Variants in CUZD1 observed in about 807,000 individuals in gnomAD.
The protein encoded by CUZD1 is CUB and zona pellucida-like domain-containing protein 1.
CUZD1 carries 42 observed loss-of-function variants against 53.1 expected under a neutral mutation model. The observed-to-expected ratio is 0.79, with a 90% CI of 0.62 to 1.02. The LOEUF (loss-of-function observed/expected upper bound fraction) is 1.02, where lower values mean the gene tolerates loss of function less well. Among genes scored for constraint, CUZD1 ranks in the 50% least tolerant of loss-of-function variants. CUZD1 has a pLI of 0.00. For synonymous variants in CUZD1, 238 were observed against 257.2 expected, an observed-to-expected ratio of 0.93 and a Z score of 0.71; for missense variants, 670 against 715.7, an observed-to-expected ratio of 0.94 and a Z score of 0.73.
At position 122,839,319 on chromosome 10, in the gene CUZD1, T is replaced by A. The variant is rs539704104; in HGVS notation, c.234-88A>T. 1.1e-4 allele frequency: 124 copies of A among 1,139,820 alleles called. 1 individual carries two copies. In the South Asian group the frequency reaches 1.7e-3, roughly 15 times the overall value. 70.6% of individuals were successfully genotyped at this position (1,139,820 alleles called of 1,614,324 possible). A position where few individuals can be genotyped will look rare whatever the true frequency, so the allele number is the denominator to read the frequency against. ...TCAATTGCTCACCTAGGCATGTAAA[T>A]TTACAAAGTGGTGGCACATCTGTTT... On this transcript the variant is annotated intron_variant, in intron 2 of 8. Transcript: ENST00000392790.
At chr10:122,843,383 TAC>T (rs1232036846) in intron 1 of CUZD1, among the ~76,000 whole-genome samples, 2 of 152,180 alleles carry the variant, frequency 1.3e-5, no homozygotes, top group Non-Finnish European at 2.9e-5. Context: ...GCATGTGACC[TAC>T]ACACATCCTG....
chr10:122,837,105 C>G, intron 4 of CUZD1, 57 bp from the exon 5 acceptor site: 2 of 1,273,006 alleles, frequency 1.6e-6, no homozygotes, highest in South Asian at 2.7e-5. Flanking sequence ...ATTCTATTTT[C>G]TAACATCCCA....
chr10:122,832,678 G>A (rs763001836), intron 8 of CUZD1, among the ~76,000 whole-genome samples: 3 of 151,186 alleles, frequency 2.0e-5, no homozygotes, highest in Non-Finnish European at 4.4e-5. Context: ...TTGATTTCTC[G>A]GTATCACATG....
chr10:122,840,089 T>C (rs984591598), intron 2 of CUZD1, among the ~76,000 whole-genome samples: 4 of 152,218 alleles, frequency 2.6e-5, no homozygotes, highest in African/African-American at 9.7e-5. Flanking sequence ...CCACAATTTC[T>C]CTTCCCCTCT....
At chr10:122,839,854 T>C (rs1408399597) in intron 2 of CUZD1, among the ~76,000 whole-genome samples, 1 of 152,228 alleles carries the variant, frequency 6.6e-6, no homozygotes, top group Non-Finnish European at 1.5e-5. Context: ...TAGAGAAATC[T>C]GGGTTCTCTT....
At chr10:122,838,256 A>G (rs1847283472) in intron 3 of CUZD1, among the ~76,000 whole-genome samples, 1 of 152,192 alleles carries the variant, frequency 6.6e-6, no homozygotes, top group South Asian at 2.1e-4. Context: ...CAGCGTGGGA[A>G]AACCTTGACT....
Position 122,836,349 on chromosome 10 carries a change from T to C in CUZD1, c.819A>G (p.Thr273=). ...TCCTGTCAGAAGAGCAAGTTAAAGA[T>C]GCTGTCAGGAAAAAAAAAAAAAAAA... ...TSIYAENINT[T]SLTCSSDRMR... The change falls in exon 6 of 9, where the codon ACA becomes ACG. Residue 273 remains threonine (T), a splice_region_variant and synonymous_variant. Coordinates refer to ENST00000392790, the MANE Select transcript of CUZD1 (RefSeq NM_022034.6). The C allele has an allele frequency of 6.9e-7, 1 of 1,445,934 alleles. No individual in the cohort carries two copies. Among genetic ancestry groups the C allele is most frequent in the Admixed American group, 3.1e-5 (1 of 32,656 alleles). 89.6% of individuals were successfully genotyped at this position (1,445,934 alleles called of 1,614,324 possible). A position where few individuals can be genotyped will look rare whatever the true frequency, so the allele number is the denominator to read the frequency against.
At chr10:122,840,931 A>G (rs1847331351) in intron 2 of CUZD1, among the ~76,000 whole-genome samples, 1 of 152,148 alleles carries the variant, frequency 6.6e-6, no homozygotes, top group Non-Finnish European at 1.5e-5. Flanking sequence ...ACAAGTTCTC[A>G]ACCTTGTTGT....
intron 6 of CUZD1, 97 bp from the exon 7 acceptor site, chr10:122,835,194 C>G (rs1847229952): frequency 1.1e-6 from 1 of 940,364 alleles, no homozygotes; most frequent in Non-Finnish European, 1.5e-6. Flanking sequence ...ACATAATTTT[C>G]TTAAATCACG....
chr10:122,844,318 G>A (rs1191077715), intron 1 of CUZD1, among the ~76,000 whole-genome samples: 1 of 152,106 alleles, frequency 6.6e-6, no homozygotes, highest in African/African-American at 2.4e-5. Context: ...TTGTAGGCTT[G>A]AGCCATCATG....
At chr10:122,843,806 C>CATATATATATATAT (rs1376406613) in intron 1 of CUZD1, among the ~76,000 whole-genome samples, 2 of 127,956 alleles carry the variant, frequency 1.6e-5, no homozygotes, top group African/African-American at 7.0e-5. Flanking sequence ...CATATATATA[C>CATATATATATATAT]ATACATATAT....
rs76378115 is a variant in CUZD1, at chr10:122,836,803, A to G, written c.817+28T>C. Reference sequence around the variant, plus strand: ...ATATGCAATCTTCGAAGAGCTCAAAATAGCTAAGAATATAAAACATGACTT... The same window carrying G: ...ATATGCAATCTTCGAAGAGCTCAAAGTAGCTAAGAATATAAAACATGACTT... On this transcript the variant is annotated intron_variant, in intron 5 of 8. Transcript: ENST00000392790. The G allele has an allele frequency of 9.0e-4, 1,410 of 1,560,378 alleles. 17 individuals are homozygous for G. The African/African-American group carries it at 0.018, about 19-fold the overall frequency.
intron 8 of CUZD1, 135 bp downstream of exon 8, chr10:122,833,537 T>C (rs1217171347): frequency 2.3e-6 from 2 of 873,010 alleles, no homozygotes; most frequent in Non-Finnish European, 3.5e-6. Context: ...TAATCCTATA[T>C]ACTTAAAATT....
Position 122,837,408 on chromosome 10 carries a change from T to C in CUZD1, c.595A>G (p.Ile199Val), listed in dbSNP as rs749178260. The change falls in exon 4 of 9, where the codon ATT becomes GTT. Residue 199 changes from isoleucine (I) to valine (V), a missense_variant. By Grantham distance (29) the Ile-to-Val change is conservative (BLOSUM62 3). Coordinates refer to ENST00000392790, the MANE Select transcript of CUZD1 (RefSeq NM_022034.6). ...DYKIKLNFKEIFLEIDKQCKF... is the reference protein window; with the variant it reads ...DYKIKLNFKEVFLEIDKQCKF... ...GAATTGGGCAGCAGTACTTACAAAATCTCTTTGAAGTTTAGTTTTATCTTG... is the reference window on the plus strand; with the variant it reads ...GAATTGGGCAGCAGTACTTACAAAACCTCTTTGAAGTTTAGTTTTATCTTG... 2.5e-6 allele frequency: 4 copies of C among 1,613,964 alleles called. No homozygotes were observed. In the South Asian group the frequency reaches 3.3e-5, roughly 13 times the overall value.
chr10:122,834,009 TTC>T, intron 7 of CUZD1, 69 bp from the exon 8 acceptor site: 1 of 1,412,838 alleles, frequency 7.1e-7, no homozygotes, highest in Non-Finnish European at 9.7e-7. Context: ...CTAAAAAGTT[TTC>T]TCTCAACTAA....
intron 8 of CUZD1, among the ~76,000 whole-genome samples, chr10:122,832,739 T>C (rs1847179412): frequency 6.6e-6 from 1 of 152,182 alleles, no homozygotes; most frequent in African/African-American, 2.4e-5. Context: ...GCAGGTTCAC[T>C]TACTAATGGT....
Position 122,845,757 on chromosome 10 carries a change from C to T in CUZD1, c.82+5G>A, listed in dbSNP as rs1186890240. 6 of 1,612,848 alleles carry T rather than the reference C, an allele frequency of 3.7e-6. No individual in the cohort carries two copies. Among genetic ancestry groups the T allele is most frequent in the South Asian group, 1.1e-5 (1 of 90,568 alleles). ...TGGTGAATAAATCTGGTTCAATTTT[C>T]TTACCTTCAGCCTCCGCCATTGTCA... On this transcript the variant is annotated splice_donor_5th_base_variant and intron_variant, in intron 1 of 8. Transcript: ENST00000392790.
At chr10:122,837,595 TAG>T (rs1566233500) in intron 3 of CUZD1, 41 bp from the exon 4 acceptor site, 1 of 1,515,196 alleles carries the variant, frequency 6.6e-7, no homozygotes, top group Non-Finnish European at 8.8e-7. Flanking sequence ...AACATCAAAA[TAG>T]AGACTGCTTT....
intron 6 of CUZD1, 110 bp from the exon 7 acceptor site, chr10:122,835,207 G>C (rs914235931): frequency 4.0e-6 from 3 of 754,694 alleles, no homozygotes; most frequent in African/African-American, 1.8e-5. Context: ...AAATCACGAG[G>C]TAACAGCTTT....
Sources: gnomAD v4.1 joint callset for allele counts (sites outside exome capture counted in the v4.1 genomes callset) on GRCh38, gnomAD v4.1.1 for gene constraint, MANE v1.5 for transcripts, NCBI Gene and HGNC (gene_info 2026-07-23, HGNC 2026-07-21) for gene names.